ANKRD30B: variants seen among roughly 807,000 people sequenced by gnomAD.
ANKRD30B encodes ankyrin repeat domain 30B.
Under a neutral mutation model 202.2 loss-of-function variants are expected in ANKRD30B, and 144 were observed. The observed-to-expected ratio is 0.71, with a 90% CI of 0.62 to 0.82. ANKRD30B has a LOEUF of 0.82. ANKRD30B is among the 40% of genes least tolerant of loss of function. The pLI is 0.00. For synonymous variants in ANKRD30B, 508 were observed against 561.3 expected (o/e 0.91, Z 1.34); for missense variants, 1,487 against 1,669.1 (o/e 0.89, Z 1.90).
At chr18:14,870,624 G>T in the ANKRD30B span, among the ~76,000 whole-genome samples, 64 of 152,200 alleles carry the variant, frequency 4.2e-4, 1 homozygote, top group East Asian at 0.012. Flanking sequence ...CCTCACTTAG[G>T]CATCCACCTA....
At chr18:14,933,168 C>T in the ANKRD30B span, among the ~76,000 whole-genome samples, 1 of 152,286 alleles carries the variant, frequency 6.6e-6, no homozygotes, top group Admixed American at 6.5e-5. Context: ...GCAATTTTCT[C>T]CAGGTCTTAC....
chr18:14,902,683 C>T, the ANKRD30B span, among the ~76,000 whole-genome samples: 2 of 152,110 alleles, frequency 1.3e-5, no homozygotes, highest in South Asian at 2.1e-4. Flanking sequence ...GTTCCTCAGC[C>T]GTGAGACAAT....
At chr18:14,863,799 AAAC>A in the ANKRD30B span, among the ~76,000 whole-genome samples, 58 of 150,128 alleles carry the variant, frequency 3.9e-4, no homozygotes, top group Non-Finnish European at 6.1e-4. Context: ...TCTAGCAAGG[AAAC>A]AACAACAACA....
chr18:14,826,691 T>TCACACACACACACACACACACA lies in ANKRD30B; in HGVS notation c.2744-1586_2744-1585insACACACACACACACACACACAC, dbSNP rs767398948. Among the ~76,000 whole-genome samples the TCACACACACACACACACACACA allele has an allele frequency of 7.2e-5, 6 of 83,840 alleles. No homozygotes were observed. The East Asian group carries it at 3.9e-3, about 54-fold the overall frequency. 55.0% of individuals were successfully genotyped at this position (83,840 alleles called of 152,430 possible). A position where few individuals can be genotyped will look rare whatever the true frequency, so the allele number is the denominator to read the frequency against. On this transcript the variant is annotated intron_variant, in intron 32 of 43. Transcript: ENST00000690538. ...CTCTCTCTCCCCCTCTCTCTCTCTC[T>TCACACACACACACACACACACA]CTCACACACACACACACACACACAC...
chr18:14,775,459 G>A (rs1374201262), intron 9 of ANKRD30B, among the ~76,000 whole-genome samples: 1 of 152,158 alleles, frequency 6.6e-6, no homozygotes, highest in Non-Finnish European at 1.5e-5. Context: ...TGCTCAACTT[G>A]GAACTTGAAA....
chr18:14,780,608 C>T (rs1162872265), intron 11 of ANKRD30B, among the ~76,000 whole-genome samples: 2 of 152,090 alleles, frequency 1.3e-5, no homozygotes, highest in East Asian at 3.8e-4. Context: ...TGAAATTTGG[C>T]CAAAAATTAA....
the ANKRD30B span, among the ~76,000 whole-genome samples, chr18:14,939,699 G>A: frequency 9.8e-5 from 15 of 152,296 alleles, no homozygotes; most frequent in African/African-American, 3.1e-4. Flanking sequence ...AGATTCCACT[G>A]GGAAGCAGCT....
At chr18:14,932,568 G>A in the ANKRD30B span, among the ~76,000 whole-genome samples, 1 of 152,112 alleles carries the variant, frequency 6.6e-6, no homozygotes, top group Non-Finnish European at 1.5e-5. Flanking sequence ...TTGATCTCCA[G>A]ACCTCGTGAT....
the ANKRD30B span, among the ~76,000 whole-genome samples, chr18:14,895,503 C>A: frequency 6.6e-6 from 1 of 152,206 alleles, no homozygotes; most frequent in African/African-American, 2.4e-5. Flanking sequence ...GCTATATAAT[C>A]CAGCAGTCAT....
intron 39 of ANKRD30B, among the ~76,000 whole-genome samples, chr18:14,845,056 A>T (rs911205149): frequency 1.3e-5 from 2 of 151,812 alleles, no homozygotes; most frequent in African/African-American, 2.4e-5. Context: ...GTTCACTCTG[A>T]TGGTAGTTTC....
chr18:14,856,552 C>T (rs1321688531), downstream of ANKRD30B, among the ~76,000 whole-genome samples: 18 of 127,484 alleles, frequency 1.4e-4, no homozygotes, highest in Admixed American at 3.8e-4. Context: ...CAGGCAGAGG[C>T]GCTCCTCACT....
the ANKRD30B span, among the ~76,000 whole-genome samples, chr18:14,880,873 GTGATTCTCTGCTTGGTAGCTGT>G: frequency 8.5e-4 from 130 of 152,254 alleles, 2 homozygotes; most frequent in Admixed American, 8.2e-3. Flanking sequence ...AGTTCTTGAT[GTGATTCTCTGCTTGGTAGCTGT>G]TGATGTATAG....
rs567274640 is a variant in ANKRD30B, at chr18:14,789,678, T to A, written c.1735-1723T>A. 2.0e-5 allele frequency among the ~76,000 whole-genome samples: 3 copies of A among 152,316 alleles called. No homozygotes were observed. In the South Asian group the frequency reaches 6.2e-4, roughly 32 times the overall value. ...TTCCCCATTGCTTGTTTTTCTCAGG[T>A]TTGTCAAAGATCAGATAGTTCTAGA... On this transcript the variant is annotated intron_variant, in intron 15 of 43. Coordinates refer to ENST00000690538, the MANE Select transcript of ANKRD30B (RefSeq NM_001367607.2).
At chr18:14,855,134 T>A (rs978486311), downstream of ANKRD30B, among the ~76,000 whole-genome samples, 2 of 152,154 alleles carry the variant, frequency 1.3e-5, no homozygotes, top group African/African-American at 2.4e-5. Flanking sequence ...CCTTCAAGCA[T>A]CTGTTTAACA....
At chr18:14,908,597 C>A in the ANKRD30B span, among the ~76,000 whole-genome samples, 1 of 152,300 alleles carries the variant, frequency 6.6e-6, no homozygotes, top group East Asian at 1.9e-4. Context: ...TCCATGTGTT[C>A]GTGTGCTTTA....
chr18:14,850,850 C>G (rs972298728), intron 41 of ANKRD30B, among the ~76,000 whole-genome samples: 3 of 151,792 alleles, frequency 2.0e-5, no homozygotes, highest in African/African-American at 7.2e-5. Flanking sequence ...GTAGAATTAA[C>G]TGAGATTTGG....
At chr18:14,807,724 G>A (rs1969607851) in intron 24 of ANKRD30B, among the ~76,000 whole-genome samples, 2 of 150,014 alleles carry the variant, frequency 1.3e-5, no homozygotes, top group South Asian at 4.3e-4. Context: ...TGGAGACAGG[G>A]TTTCGCTATT....
At chr18:14,808,402 A>G in intron 24 of ANKRD30B, 149 bp from the exon 25 acceptor site, 1 of 837,478 alleles carries the variant, frequency 1.2e-6, no homozygotes, top group Non-Finnish European at 2.0e-6. Context: ...CATGTTAACA[A>G]ATACAAAAAC....
Position 14,798,890 on chromosome 18 carries a change from G to C in ANKRD30B, c.2030-211G>C, listed in dbSNP as rs570947776. ...TGTATTTACAATAATCAGGAGCATT[G>C]CATCTTTCATTCCATAGCAACAGTT... On this transcript the variant is annotated intron_variant, in intron 20 of 43. Transcript: ENST00000690538. Among the ~76,000 whole-genome samples the C allele has an allele frequency of 2.6e-5, 4 of 152,250 alleles. No homozygotes were observed. The East Asian group carries it at 5.8e-4, about 22-fold the overall frequency.
Sources: allele counts gnomAD v4.1 joint callset (sites outside exome capture counted in the v4.1 genomes callset), GRCh38; gene constraint gnomAD v4.1.1; transcripts MANE v1.5; gene names NCBI Gene and HGNC (gene_info 2026-07-23, HGNC 2026-07-21).